Variants in OR4K1 observed in about 807,000 individuals in gnomAD.
The protein encoded by OR4K1 is olfactory receptor family 4 subfamily K member 1.
A neutral mutation model predicts 14.4 loss-of-function variants in OR4K1; 16 were observed. That is an observed-to-expected ratio of 1.11 (90% CI 0.75 to 1.68). The LOEUF (loss-of-function observed/expected upper bound fraction) is 1.68, where lower values mean the gene tolerates loss of function less well. OR4K1 is among the 40% of genes most tolerant of loss of function. The pLI, the probability that OR4K1 is intolerant of heterozygous loss-of-function variation, is 0.00. For synonymous variants in OR4K1, 181 were observed against 133.1 expected, an observed-to-expected ratio of 1.36 and a Z score of -2.48; for missense variants, 548 against 376.9, an observed-to-expected ratio of 1.45 and a Z score of -3.76.
intron 1 of OR4K1, among the ~76,000 whole-genome samples, chr14:19,932,362 CCTTCT>C (rs1301451846): frequency 6.6e-6 from 1 of 152,020 alleles, no homozygotes; most frequent in African/African-American, 2.4e-5. Flanking sequence ...TCCTCTTGCT[CCTTCT>C]CTTCTCCCTC....
chr14:19,922,746 C>T, the OR4K1 span, among the ~76,000 whole-genome samples: 1 of 152,028 alleles, frequency 6.6e-6, no homozygotes, highest in African/African-American at 2.4e-5. Context: ...AGGACATAGA[C>T]CTCTTCCGTC....
Position 19,936,412 on chromosome 14 carries a change from T to G in OR4K1, c.746T>G (p.Leu249Arg). The G allele has an allele frequency of 6.2e-7, 1 of 1,614,192 alleles. No homozygotes were observed. The highest frequency in any genetic ancestry group is 8.5e-7 in the Non-Finnish European group (1 of 1,180,028). ...ACTGCCCACATCACAGTGGTCATTC[T>G]TTTCTTCGGGCCTTGCATTTATTTC... ...TLTAHITVVI[L>R]FFGPCIYFYI... The change falls in exon 2 of 2, where the codon CTT (leucine) becomes CGT (arginine). Residue 249 changes from leucine (L) to arginine (R), a missense_variant. Coordinates refer to ENST00000641172, the MANE Select transcript of OR4K1 (RefSeq NM_001004063.3).
At chr14:19,924,400 C>CAAAA in the OR4K1 span, among the ~76,000 whole-genome samples, 240 of 79,260 alleles carry the variant, frequency 3.0e-3, 9 homozygotes, top group African/African-American at 0.012. Context: ...AACTCCGTAT[C>CAAAA]AAAAAAAAAA....
At chr14:19,921,442 C>G in the OR4K1 span, 1 of 1,614,116 alleles carries the variant, frequency 6.2e-7, no homozygotes, top group East Asian at 2.2e-5. Context: ...ACTGTTTTCA[C>G]CCCCGTCCTA....
At chr14:19,932,333 TTCC>T (rs113089255) in intron 1 of OR4K1, among the ~76,000 whole-genome samples, 12,882 of 150,216 alleles carry the variant, frequency 0.086, 778 homozygotes, top group East Asian at 0.5. Context: ...TCCTTTTTTC[TTCC>T]TCCTCCTCCT....
At chr14:19,933,532 C>G (rs1442378687) in intron 1 of OR4K1, among the ~76,000 whole-genome samples, 1 of 152,198 alleles carries the variant, frequency 6.6e-6, no homozygotes, top group Non-Finnish European at 1.5e-5. Context: ...ATCATGGAAA[C>G]TTGTAGTTAG....
chr14:19,931,822 C>T (rs1882191443), intron 1 of OR4K1, among the ~76,000 whole-genome samples: 1 of 152,238 alleles, frequency 6.6e-6, no homozygotes, highest in Non-Finnish European at 1.5e-5. Context: ...AATGAAGAAG[C>T]TTCTGGGTGC....
chr14:19,925,935 CAG>C (rs1187061574), upstream of OR4K1, among the ~76,000 whole-genome samples: 1 of 152,234 alleles, frequency 6.6e-6, no homozygotes. Context: ...CAGGAAAAAA[CAG>C]AGTAGGTGAT....
chr14:19,936,390 GC>G lies in OR4K1; in HGVS notation c.727del (p.His243ThrfsTer40). On this transcript the variant is annotated frameshift_variant, in exon 2 of 2. Transcript: ENST00000641172. LOFTEE classifies it high-confidence loss of function. ...ATCTAAGGCTCTTTCTACATTAACTGCCCACATCACAGTGGTCATTCTTTTC... is the reference window on the plus strand; with the variant it reads ...ATCTAAGGCTCTTTCTACATTAACTGCCACATCACAGTGGTCATTCTTTTC... Reference protein sequence around the residue: ...GSSKALSTLTAHITVVILFFG... With the variant: ...GSSKALSTLTXHITVVILFFG... The G allele has an allele frequency of 6.2e-7, 1 of 1,614,172 alleles. No individual in the cohort carries two copies. The highest frequency in any genetic ancestry group is 1.1e-5 in the South Asian group (1 of 91,080).
the OR4K1 span, chr14:19,920,601 G>A: frequency 1.3e-5 from 20 of 1,593,872 alleles, no homozygotes; most frequent in Non-Finnish European, 1.5e-5. Context: ...TTTGCAGCTT[G>A]GAACCATGGA....
intron 1 of OR4K1, among the ~76,000 whole-genome samples, chr14:19,932,158 T>C (rs1459684312): frequency 1.3e-5 from 2 of 152,248 alleles, no homozygotes; most frequent in East Asian, 3.8e-4. Flanking sequence ...TTATCATTTA[T>C]TAGATATTGA....
At chr14:19,920,348 T>A in the OR4K1 span, among the ~76,000 whole-genome samples, 2 of 152,200 alleles carry the variant, frequency 1.3e-5, no homozygotes, top group South Asian at 2.1e-4. Context: ...AGACAAGGAC[T>A]ATCCAAAAAC....
In OR4K1 at chr14:19,936,644, C is replaced by G; in HGVS notation, c.*42C>G. ...GCATAATCCTGAATTAGAATGAAGA[C>G]CCTCCAGTGTATCATAGTGTCATGC... On this transcript the variant is annotated 3_prime_UTR_variant, in exon 2 of 2. Transcript: ENST00000641172. 1 of 1,513,502 alleles carries G rather than the reference C, an allele frequency of 6.6e-7. No homozygotes were observed. Among genetic ancestry groups the G allele is most frequent in the Non-Finnish European group, 8.9e-7 (1 of 1,118,872 alleles). 93.8% of individuals were successfully genotyped at this position (1,513,502 alleles called of 1,614,324 possible). A position where few individuals can be genotyped will look rare whatever the true frequency, so the allele number is the denominator to read the frequency against.
Position 19,934,006 on chromosome 14 carries a change from GTTTAAACACT to G in OR4K1, c.-19-1638_-19-1629del, listed in dbSNP as rs537060621. ...ACTACATAATGAAAGCTTGAAAACA[GTTTAAACACT>G]TTTTAATTTGGTTTACCATTACCTA... On this transcript the variant is annotated intron_variant, in intron 1 of 1. Transcript: ENST00000641172. 5.4e-4 allele frequency among the ~76,000 whole-genome samples: 82 copies of G among 152,310 alleles called. No homozygotes were observed. In the East Asian group the frequency reaches 0.013, roughly 25 times the overall value.
the OR4K1 span, among the ~76,000 whole-genome samples, chr14:19,925,262 T>C: frequency 6.6e-6 from 1 of 152,346 alleles, no homozygotes; most frequent in East Asian, 1.9e-4. Flanking sequence ...ACATTGATTA[T>C]ATTACTATTT....
At chr14:19,934,728 T>C (rs1482968183) in intron 1 of OR4K1, among the ~76,000 whole-genome samples, 1 of 152,138 alleles carries the variant, frequency 6.6e-6, no homozygotes, top group Non-Finnish European at 1.5e-5. Context: ...AGGAGTGCAG[T>C]GGTGTGATCT....
intron 1 of OR4K1, 190 bp downstream of exon 1, chr14:19,931,335 A>T (rs1882179042): frequency 6.6e-6 from 1 of 152,362 alleles, no homozygotes; most frequent in Non-Finnish European, 1.5e-5. Flanking sequence ...TCATTCTTCC[A>T]CTGCACTGCT....
upstream of OR4K1, among the ~76,000 whole-genome samples, chr14:19,926,549 A>G (rs1351966052): frequency 6.6e-6 from 1 of 152,274 alleles, no homozygotes; most frequent in Non-Finnish European, 1.5e-5. Flanking sequence ...TCCTCTCATT[A>G]CATAAAATAC....
chr14:19,934,563 A>T (rs542953320), intron 1 of OR4K1, among the ~76,000 whole-genome samples: 3 of 152,256 alleles, frequency 2.0e-5, no homozygotes, highest in Non-Finnish European at 4.4e-5. Context: ...AAAAGGTTGA[A>T]AGGAAGTGTT....
Sources: allele counts gnomAD v4.1 joint callset (sites outside exome capture counted in the v4.1 genomes callset), GRCh38; gene constraint gnomAD v4.1.1; transcripts MANE v1.5; gene names NCBI Gene and HGNC (gene_info 2026-07-23, HGNC 2026-07-21).